Variants in PTH2R observed in about 807,000 individuals in gnomAD.
PTH2R encodes the protein PTH2 receptor.
PTH2R carries 59 observed loss-of-function variants against 60.3 expected under a neutral mutation model. That is an observed-to-expected ratio of 0.98 (90% CI 0.79 to 1.22). The LOEUF is 1.22. Ranked by LOEUF, PTH2R falls within the 50% of genes most tolerant of loss-of-function variation. PTH2R has a pLI of 0.00. For missense variants in PTH2R, 749 were observed against 682.6 expected (o/e 1.10, Z -1.08); for synonymous variants, 256 against 243.8 (o/e 1.05, Z -0.47).
chr2:208,367,418 CTCTT>C (rs1350193552), intron 1 of PTH2R, among the ~76,000 whole-genome samples: 22 of 135,894 alleles, frequency 1.6e-4, no homozygotes, highest in African/African-American at 5.1e-4. Flanking sequence ...TTATTTTTTT[CTCTT>C]TCTTTTTTTT....
At chr2:208,418,727 G>T (rs1293685152) in intron 1 of PTH2R, among the ~76,000 whole-genome samples, 1 of 152,014 alleles carries the variant, frequency 6.6e-6, no homozygotes, top group African/African-American at 2.4e-5. Flanking sequence ...AAATGTATCT[G>T]TATATTTTCC....
chr2:208,379,438 G>A (rs1374089934), intron 1 of PTH2R, among the ~76,000 whole-genome samples: 1 of 152,080 alleles, frequency 6.6e-6, no homozygotes, highest in Non-Finnish European at 1.5e-5. Flanking sequence ...CAACTGCAGT[G>A]ATAAAAAAAT....
chr2:208,385,414 T>C (rs1700984347), intron 1 of PTH2R, among the ~76,000 whole-genome samples: 2 of 152,244 alleles, frequency 1.3e-5, no homozygotes, highest in South Asian at 4.1e-4. Flanking sequence ...GTAAATTTTA[T>C]GGATAGGATT....
chr2:208,465,951 A>C (rs1702742610), intron 9 of PTH2R, among the ~76,000 whole-genome samples: 1 of 152,122 alleles, frequency 6.6e-6, no homozygotes. Context: ...TATAACTGCT[A>C]TAAAGGTGAA....
At chr2:208,376,758 T>C (rs576946452) in intron 1 of PTH2R, among the ~76,000 whole-genome samples, 3 of 152,256 alleles carry the variant, frequency 2.0e-5, no homozygotes, top group Admixed American at 1.3e-4. Flanking sequence ...TATTCCTATA[T>C]GTGGGCTCTA....
In PTH2R at chr2:208,477,964, G is replaced by GTACTAC. The variant is rs372301552; in HGVS notation, c.982-3101_982-3100insCTACTA. Reference sequence around the variant, plus strand: ...ACTAGTAGTACTAGCACTACTACTAGTACTAGTACTACTAGCACTACTACT... The same window carrying GTACTAC: ...ACTAGTAGTACTAGCACTACTACTAGTACTACTACTAGTACTACTAGCACTACTACT... On this transcript the variant is annotated intron_variant, in intron 9 of 12. Transcript: ENST00000272847. Among the ~76,000 whole-genome samples, 3 of 25,722 alleles carry GTACTAC rather than the reference G, an allele frequency of 1.2e-4. No homozygotes were observed. In the East Asian group the frequency reaches 2.0e-3, roughly 17 times the overall value. 16.9% of individuals were successfully genotyped at this position (25,722 alleles called of 152,430 possible).
chr2:208,385,285 A>C (rs1359342329), intron 1 of PTH2R, among the ~76,000 whole-genome samples: 1 of 152,212 alleles, frequency 6.6e-6, no homozygotes, highest in Non-Finnish European at 1.5e-5. Context: ...TTAAAAAGTG[A>C]GCAGTAAGTG....
chr2:208,434,999 G>A (rs1702046643), intron 2 of PTH2R, among the ~76,000 whole-genome samples: 1 of 152,208 alleles, frequency 6.6e-6, no homozygotes, highest in South Asian at 2.1e-4. Flanking sequence ...TAAGAAAAAT[G>A]TTTTTGGAAA....
chr2:208,428,092 C>T, intron 1 of PTH2R, 109 bp from the exon 2 acceptor site: 1 of 753,066 alleles, frequency 1.3e-6, no homozygotes, highest in Non-Finnish European at 2.1e-6. Context: ...TTTCAAATAG[C>T]TTGATATCAA....
At chr2:208,434,734 A>T (rs1702041025) in intron 2 of PTH2R, among the ~76,000 whole-genome samples, 4 of 152,164 alleles carry the variant, frequency 2.6e-5, no homozygotes. Context: ...ATATAAAGAC[A>T]TGTGGCTTGT....
intron 1 of PTH2R, among the ~76,000 whole-genome samples, chr2:208,419,598 C>T (rs1277690881): frequency 1.1e-4 from 17 of 152,256 alleles, no homozygotes; most frequent in East Asian, 3.9e-4. Context: ...AGTCCTTGCC[C>T]GTGCCTATGT....
At chr2:208,394,827 TTAAG>T (rs1017798179) in intron 1 of PTH2R, among the ~76,000 whole-genome samples, 1 of 152,124 alleles carries the variant, frequency 6.6e-6, no homozygotes, top group African/African-American at 2.4e-5. Context: ...ATTAAATTAT[TTAAG>T]TAATTAAAAT....
At chr2:208,387,127 G>T (rs1701017404) in intron 1 of PTH2R, among the ~76,000 whole-genome samples, 1 of 152,008 alleles carries the variant, frequency 6.6e-6, no homozygotes, top group Non-Finnish European at 1.5e-5. Flanking sequence ...CTGGATCATT[G>T]TTACGATCAC....
At chr2:208,434,228 G>T (rs1486802816) in intron 2 of PTH2R, among the ~76,000 whole-genome samples, 1 of 151,990 alleles carries the variant, frequency 6.6e-6, no homozygotes, top group African/African-American at 2.4e-5. Context: ...CAGGAAAACT[G>T]CTTGAACTCG....
At chr2:208,479,684 T>A (rs1301063465) in intron 9 of PTH2R, among the ~76,000 whole-genome samples, 2 of 152,178 alleles carry the variant, frequency 1.3e-5, no homozygotes, top group Non-Finnish European at 2.9e-5. Flanking sequence ...TCAACTCTCA[T>A]GTTTTGCATC....
intron 1 of PTH2R, 134 bp downstream of exon 1, chr2:208,407,252 A>G: frequency 4.4e-6 from 3 of 683,696 alleles, no homozygotes; most frequent in Non-Finnish European, 6.5e-6. Context: ...GCACGCACCG[A>G]GGCGTACCCG....
chr2:208,458,938 A>T (rs1168097973), intron 8 of PTH2R, among the ~76,000 whole-genome samples: 12 of 152,150 alleles, frequency 7.9e-5, no homozygotes, highest in Non-Finnish European at 1.8e-4. Context: ...TCTTTACGGT[A>T]GAATGCTTTA....
intron 10 of PTH2R, 130 bp from the exon 11 acceptor site, chr2:208,488,882 A>AG: frequency 3.1e-6 from 3 of 953,254 alleles, no homozygotes; most frequent in Non-Finnish European, 3.1e-6. Flanking sequence ...CCCTGTCTCA[A>AG]GAAAAGATAA....
intron 12 of PTH2R, among the ~76,000 whole-genome samples, chr2:208,491,300 GC>G (rs911724489): frequency 6.6e-6 from 1 of 152,188 alleles, no homozygotes; most frequent in Non-Finnish European, 1.5e-5. Context: ...GGACATTGTG[GC>G]ATGCTAGTCC....
Sources: gnomAD v4.1 joint callset for allele counts (sites outside exome capture counted in the v4.1 genomes callset) on GRCh38, gnomAD v4.1.1 for gene constraint, MANE v1.5 for transcripts, NCBI Gene and HGNC (gene_info 2026-07-23, HGNC 2026-07-21) for gene names.